DCLK2: variants seen among roughly 807,000 people sequenced by gnomAD.
DCLK2 encodes the protein doublecortin like kinase 2, also known as serine/threonine-protein kinase DCLK2.
Under a neutral mutation model 78.4 loss-of-function variants are expected in DCLK2, and 31 were observed. That is an observed-to-expected ratio of 0.40 (90% CI 0.30 to 0.53). The LOEUF is 0.53. DCLK2 is among the 20% of genes least tolerant of loss of function. DCLK2 has a pLI of 0.61. For synonymous variants in DCLK2, 407 were observed against 374.9 expected, an observed-to-expected ratio of 1.09 and a Z score of -0.99; for missense variants, 872 against 973.7, an observed-to-expected ratio of 0.90 and a Z score of 1.39.
intron 2 of DCLK2, among the ~76,000 whole-genome samples, chr4:150,147,837 T>C (rs537981947): frequency 4.5e-4 from 69 of 152,322 alleles, no homozygotes; most frequent in African/African-American, 1.6e-3. Context: ...TGGTGGAGAA[T>C]TGTAATAAAC....
intron 2 of DCLK2, among the ~76,000 whole-genome samples, chr4:150,144,579 T>C (rs1734330293): frequency 6.6e-6 from 1 of 152,168 alleles, no homozygotes; most frequent in Non-Finnish European, 1.5e-5. Context: ...TTGGGCTCCA[T>C]ACGAGCTTTA....
At chr4:150,233,341 A>G (rs1742227898) in intron 10 of DCLK2, among the ~76,000 whole-genome samples, 1 of 152,218 alleles carries the variant, frequency 6.6e-6, no homozygotes, top group Non-Finnish European at 1.5e-5. Context: ...AACATTGGGA[A>G]TTACAGTTCA....
chr4:150,232,358 G>A lies in DCLK2; in HGVS notation c.1321G>A (p.Val441Met). 6.2e-7 allele frequency: 1 copy of A among 1,614,110 alleles called. No individual in the cohort carries two copies. Among genetic ancestry groups the A allele is most frequent in the South Asian group, 1.1e-5 (1 of 91,046 alleles). Residue 441 changes from valine (V) to methionine (M), a missense_variant, in exon 9 of 16, where the codon GTG becomes ATG. By Grantham distance (21) the Val-to-Met change is conservative. Around this residue, in one of 3 missense-constraint regions of DCLK2, gnomAD observed 567 missense variants for 593.4 expected, o/e 0.96. Transcript: ENST00000296550. The stretch of plus-strand genomic sequence containing the variant: ...ACAGGAACACCTGATTGAGAATGAA[G>A]TGTCAATACTGCGCCGAGTGAAACA... The part of the protein sequence containing the change: ...CGKEHLIENE[V>M]SILRRVKHPN...
chr4:150,255,401 C>G (rs1440446267), intron 15 of DCLK2, among the ~76,000 whole-genome samples: 2 of 152,238 alleles, frequency 1.3e-5, no homozygotes, highest in Admixed American at 6.5e-5. Flanking sequence ...GGCTGTTTCT[C>G]TGTTCCTTGA....
rs1183444845 is a variant in DCLK2, at chr4:150,239,625, A to G, written c.1567-117A>G. 2.3e-6 allele frequency: 3 copies of G among 1,331,372 alleles called. No individual in the cohort carries two copies. In the African/African-American group the frequency reaches 4.4e-5, roughly 20 times the overall value. 82.5% of individuals were successfully genotyped at this position (1,331,372 alleles called of 1,614,324 possible). Reference sequence around the variant, plus strand: ...TCAAAAAAAAAAATCACAAGGAGAGATTTCATTCGAGTTTAATAGTAAATG... The same window carrying G: ...TCAAAAAAAAAAATCACAAGGAGAGGTTTCATTCGAGTTTAATAGTAAATG... On this transcript the variant is annotated intron_variant, in intron 10 of 15. Coordinates refer to ENST00000296550, the MANE Select transcript of DCLK2 (RefSeq NM_001040260.4).
At chr4:150,084,158 T>G (rs1729493063) in intron 1 of DCLK2, among the ~76,000 whole-genome samples, 1 of 152,230 alleles carries the variant, frequency 6.6e-6, no homozygotes, top group African/African-American at 2.4e-5. Context: ...TTATAACACT[T>G]AGCTTTGTAG....
chr4:150,086,368 T>G (rs977233260), intron 1 of DCLK2, among the ~76,000 whole-genome samples: 3 of 152,206 alleles, frequency 2.0e-5, no homozygotes, highest in Non-Finnish European at 4.4e-5. Flanking sequence ...GTGTTTCAAT[T>G]TTTTAATATA....
At chr4:150,233,178 C>T (rs554024950) in intron 10 of DCLK2, among the ~76,000 whole-genome samples, 1 of 152,216 alleles carries the variant, frequency 6.6e-6, no homozygotes, top group East Asian at 1.9e-4. Context: ...AAGCAAGCAC[C>T]TTCTTCACAT....
chr4:150,252,495 G>A (rs1252087911), intron 15 of DCLK2, among the ~76,000 whole-genome samples: 3 of 152,196 alleles, frequency 2.0e-5, no homozygotes, highest in Non-Finnish European at 4.4e-5. Flanking sequence ...GGAATCAGTG[G>A]CCATAGGCCT....
In DCLK2 at chr4:150,256,974, G is replaced by GT. The variant is rs1744614350; in HGVS notation, c.*730dup. On this transcript the variant is annotated 3_prime_UTR_variant, in exon 16 of 16. Transcript: ENST00000296550. ...GCCACTTCTTCCCTGGGCGGTGTGG[G>GT]TTTCCCCCAGCTCTTCCCACACGTG... The GT allele has an allele frequency of 6.6e-6, 1 of 152,264 alleles. No homozygotes were observed. The highest frequency in any genetic ancestry group is 6.5e-5 in the Admixed American group (1 of 15,286). 9.4% of individuals were successfully genotyped at this position (152,264 alleles called of 1,614,324 possible).
intron 1 of DCLK2, among the ~76,000 whole-genome samples, chr4:150,081,821 ATC>A (rs1049950365): frequency 9.0e-6 from 1 of 111,128 alleles, no homozygotes; most frequent in African/African-American, 2.9e-5. Flanking sequence ...GTGAAACCCC[ATC>A]TCTACTTAAA....
At chr4:150,153,404 T>C (rs1424013095) in intron 2 of DCLK2, among the ~76,000 whole-genome samples, 1 of 151,920 alleles carries the variant, frequency 6.6e-6, no homozygotes, top group Admixed American at 6.6e-5. Flanking sequence ...TGTCCTCTAC[T>C]TGACAAACTT....
At chr4:150,236,680 A>G (rs1370542017) in intron 10 of DCLK2, among the ~76,000 whole-genome samples, 1 of 152,170 alleles carries the variant, frequency 6.6e-6, no homozygotes, top group African/African-American at 2.4e-5. Context: ...AGATATATGT[A>G]TAATTTCTTC....
rs1489886726 is a variant in DCLK2, at chr4:150,180,481, G to T, written c.757-12657G>T. ...TTTTGTTTATTATTTGAAGATGACTGAGTCCTAGAGAGCATTTATTTAAGT... is the reference window on the plus strand; with the variant it reads ...TTTTGTTTATTATTTGAAGATGACTTAGTCCTAGAGAGCATTTATTTAAGT... On this transcript the variant is annotated intron_variant, in intron 2 of 15. Coordinates refer to ENST00000296550, the MANE Select transcript of DCLK2 (RefSeq NM_001040260.4). 2.6e-5 allele frequency among the ~76,000 whole-genome samples: 4 copies of T among 152,100 alleles called. No individual in the cohort carries two copies. In the East Asian group the frequency reaches 7.7e-4, roughly 29 times the overall value.
intron 2 of DCLK2, among the ~76,000 whole-genome samples, chr4:150,177,611 A>G (rs1489289693): frequency 6.6e-6 from 1 of 152,244 alleles, no homozygotes; most frequent in Non-Finnish European, 1.5e-5. Context: ...TAATGATATT[A>G]ATGATAGAAT....
chr4:150,240,513 A>G (rs1560901905), intron 12 of DCLK2, 37 bp downstream of exon 12: 3 of 1,419,522 alleles, frequency 2.1e-6, no homozygotes, highest in East Asian at 3.3e-5. Context: ...TGAATTGCAA[A>G]TGTTCTCCCT....
At chr4:150,145,757 C>T (rs1305642178) in intron 2 of DCLK2, among the ~76,000 whole-genome samples, 3 of 152,176 alleles carry the variant, frequency 2.0e-5, no homozygotes, top group Non-Finnish European at 2.9e-5. Context: ...TTCTCTGAGA[C>T]CACTCAACTA....
chr4:150,121,994 C>T (rs541859568), intron 2 of DCLK2, among the ~76,000 whole-genome samples: 1 of 152,196 alleles, frequency 6.6e-6, no homozygotes, highest in African/African-American at 2.4e-5. Flanking sequence ...AATAGATGCA[C>T]TGTCATCCAG....
chr4:150,231,076 C>A (rs1485238529), intron 8 of DCLK2, among the ~76,000 whole-genome samples: 1 of 152,174 alleles, frequency 6.6e-6, no homozygotes, highest in South Asian at 2.1e-4. Flanking sequence ...TTGAAGAATT[C>A]CAACTTGGCA....
Sources: gnomAD v4.1 joint callset for allele counts (sites outside exome capture counted in the v4.1 genomes callset) on GRCh38, gnomAD v4.1.1 for gene constraint, gnomAD v4.1.1 regional missense constraint, MANE v1.5 for transcripts, NCBI Gene and HGNC (gene_info 2026-07-23, HGNC 2026-07-21) for gene names.